CACNA1C: variants seen among roughly 807,000 people sequenced by gnomAD.
CACNA1C encodes the protein voltage-dependent L-type calcium channel subunit alpha-1C.
A neutral mutation model predicts 229.0 loss-of-function variants in CACNA1C; 30 were observed. The observed-to-expected ratio is 0.13, with a 90% CI of 0.10 to 0.18. The LOEUF (loss-of-function observed/expected upper bound fraction) is 0.18. CACNA1C is among the 10% of genes least tolerant of loss of function. The probability of loss-of-function intolerance (pLI) is 1.00; values close to 1 mark genes in which losing one functional copy is unlikely to be tolerated. For missense variants in CACNA1C, 1,658 were observed against 2,845.0 expected (o/e 0.58, Z 9.49); for synonymous variants, 1,114 against 1,132.5 (o/e 0.98, Z 0.33).
rs1172809056 is a variant in CACNA1C, at chr12:2,679,246, G to C, written c.5092-198G>C. ...GGGAGTCCAGAGCCTTGAGACTCCGGGTCCCTCCCTCTCTGGAGCAGCCAG... is the reference window on the plus strand; with the variant it reads ...GGGAGTCCAGAGCCTTGAGACTCCGCGTCCCTCCCTCTCTGGAGCAGCCAG... On this transcript the variant is annotated intron_variant, in intron 41 of 46. Transcript: ENST00000399655. This position sits in a 1 kb window ranked among gnomAD's most constrained non-coding sequence, Gnocchi z 5.5. 6.6e-6 allele frequency among the ~76,000 whole-genome samples: 1 copy of C among 152,170 alleles called. No homozygotes were observed. The highest frequency in any genetic ancestry group is 1.5e-5 in the Non-Finnish European group (1 of 68,030).
intron 1 of CACNA1C, among the ~76,000 whole-genome samples, chr12:2,074,796 C>CAGCT (rs1488232973): frequency 3.9e-5 from 6 of 152,184 alleles, no homozygotes; most frequent in Non-Finnish European, 7.4e-5. Context: ...CTGAAGCTGT[C>CAGCT]AGCTAATGCC....
At chr12:2,049,169 G>A (rs901372182), upstream of CACNA1C, 2 of 152,198 alleles carry the variant, frequency 1.3e-5, no homozygotes, top group Non-Finnish European at 2.9e-5. Context: ...GTTCATCTAT[G>A]CGGTGGTTAA....
intron 1 of CACNA1C, among the ~76,000 whole-genome samples, chr12:2,033,867 C>T (rs2048651457): frequency 6.6e-6 from 1 of 152,230 alleles, no homozygotes; most frequent in Non-Finnish European, 1.5e-5. Flanking sequence ...TTGCCTGGCC[C>T]TGGCCATACT....
chr12:2,284,344 G>A (rs1294616511), intron 3 of CACNA1C, among the ~76,000 whole-genome samples: 1 of 144,204 alleles, frequency 6.9e-6, no homozygotes, highest in East Asian at 2.0e-4. Flanking sequence ...AATTTCTTCT[G>A]AATTCGAAGC....
At chr12:2,304,606 T>C (rs2094860841) in intron 3 of CACNA1C, among the ~76,000 whole-genome samples, 1 of 151,776 alleles carries the variant, frequency 6.6e-6, no homozygotes, top group Non-Finnish European at 1.5e-5. Context: ...AGGCAGCCCC[T>C]GCCTCCTCCT....
At chr12:2,269,469 C>A (rs1426764507) in intron 3 of CACNA1C, among the ~76,000 whole-genome samples, 1 of 152,138 alleles carries the variant, frequency 6.6e-6, no homozygotes, top group Non-Finnish European at 1.5e-5. Flanking sequence ...ATACACAGCC[C>A]TCTAGATAAC....
intron 3 of CACNA1C, among the ~76,000 whole-genome samples, chr12:2,164,397 C>T (rs1470557619): frequency 6.6e-6 from 1 of 152,214 alleles, no homozygotes; most frequent in Admixed American, 6.5e-5. Context: ...AATCCCTTTG[C>T]CTCTCTGGGT....
chr12:2,228,706 C>T (rs1423295028), intron 3 of CACNA1C, among the ~76,000 whole-genome samples: 1 of 152,196 alleles, frequency 6.6e-6, no homozygotes, highest in African/African-American at 2.4e-5. Flanking sequence ...ATCTCTGGCA[C>T]TGTGCCAGCA....
rs1470300445 is a variant in CACNA1C at position 1,971,860 on chromosome 12, C to G, written c.139+659C>G. On this transcript the variant is annotated intron_variant, in intron 1 of 46. Transcript: ENST00000682462. This position sits in a 1 kb window ranked among gnomAD's most constrained non-coding sequence, Gnocchi z 4.2. ...TTTATAATTTGTTTTATATTTTTAC[C>G]CAAATACCATACAACTCCAAATCAT... 6.6e-6 allele frequency among the ~76,000 whole-genome samples: 1 copy of G among 151,750 alleles called. No homozygotes were observed. Among genetic ancestry groups the G allele is most frequent in the Non-Finnish European group, 1.5e-5 (1 of 67,956 alleles).
At chr12:2,426,905 C>T (rs751373708) in intron 3 of CACNA1C, among the ~76,000 whole-genome samples, 1 of 152,180 alleles carries the variant, frequency 6.6e-6, no homozygotes, top group Non-Finnish European at 1.5e-5. Context: ...CAAGGCTTCA[C>T]GTGGCCTACG....
chr12:2,113,702 A>G (rs1446240267), intron 1 of CACNA1C, among the ~76,000 whole-genome samples: 3 of 152,174 alleles, frequency 2.0e-5, no homozygotes, highest in African/African-American at 4.8e-5. Context: ...CACCTGGCCA[A>G]TTGACTAGCG....
At chr12:1,974,931 GT>G (rs2033837914) in intron 1 of CACNA1C, among the ~76,000 whole-genome samples, 1 of 152,090 alleles carries the variant, frequency 6.6e-6, no homozygotes, top group South Asian at 2.1e-4. Context: ...TCAAAAATTT[GT>G]TCCAATGAAG....
chr12:2,296,709 TC>T (rs1157023183), intron 3 of CACNA1C, among the ~76,000 whole-genome samples: 1 of 152,190 alleles, frequency 6.6e-6, no homozygotes, highest in Non-Finnish European at 1.5e-5. Flanking sequence ...AGCCAGGGGT[TC>T]TAAGGGAACC....
intron 3 of CACNA1C, among the ~76,000 whole-genome samples, chr12:2,212,422 T>G (rs1203017846): frequency 6.6e-6 from 1 of 152,212 alleles, no homozygotes; most frequent in Non-Finnish European, 1.5e-5. Context: ...GGTTCTGTGT[T>G]TGAGGAAATC....
At chr12:2,176,914 A>G (rs996555383) in intron 3 of CACNA1C, among the ~76,000 whole-genome samples, 5 of 152,206 alleles carry the variant, frequency 3.3e-5, no homozygotes, top group Non-Finnish European at 7.3e-5. Flanking sequence ...AGCAAGGCAC[A>G]TTCAGGGGGA....
In CACNA1C at chr12:2,612,004, C is replaced by G. The variant is rs1334134055; in HGVS notation, c.3819C>G (p.Phe1273Leu). 13 of 1,596,292 alleles carry G rather than the reference C, an allele frequency of 8.1e-6. No homozygotes were observed. The East Asian group carries it at 2.9e-4, about 36-fold the overall frequency. Reference sequence around the variant, plus strand: ...AGATGATCCTGAAGCTCATTGCCTTCAAACCCAAGGTAGGCCTCTGAGAAA... The same window carrying G: ...AGATGATCCTGAAGCTCATTGCCTTGAAACCCAAGGTAGGCCTCTGAGAAA... ...TVEMILKLIA[F>L]KPKHYFCDAW... The change falls in exon 29 of 47, where the codon TTC becomes TTG. Residue 1273 changes from phenylalanine (F) to leucine (L), a missense_variant. Coordinates refer to ENST00000399655, the MANE Select transcript of CACNA1C (RefSeq NM_000719.7).
chr12:2,340,919 T>G (rs1374291320), intron 3 of CACNA1C, among the ~76,000 whole-genome samples: 1 of 151,160 alleles, frequency 6.6e-6, no homozygotes, highest in African/African-American at 2.5e-5. Flanking sequence ...ATTGTGCCAC[T>G]GCACCCCAGC....
chr12:2,565,940 C>T (rs573396852), intron 11 of CACNA1C, among the ~76,000 whole-genome samples: 1 of 152,266 alleles, frequency 6.6e-6, no homozygotes, highest in South Asian at 2.1e-4. Context: ...GAGTTTTCTC[C>T]TCCACAAAAA....
In CACNA1C at chr12:2,596,754, A is replaced by G. The variant is rs189521635; in HGVS notation, c.2794-476A>G. Among the ~76,000 whole-genome samples, 5 of 152,296 alleles carry G rather than the reference A, an allele frequency of 3.3e-5. No homozygotes were observed. In the East Asian group the frequency reaches 9.7e-4, roughly 29 times the overall value. On this transcript the variant is annotated intron_variant, in intron 20 of 46. Coordinates refer to ENST00000399655, the MANE Select transcript of CACNA1C (RefSeq NM_000719.7). The stretch of plus-strand genomic sequence containing the variant: ...ATGCACCTCCCTTGCCCCAGAGGAC[A>G]TAACCCAGGAATAGATGTCCACCAT...
Sources: allele counts gnomAD v4.1 joint callset (sites outside exome capture counted in the v4.1 genomes callset), GRCh38; gene constraint gnomAD v4.1.1; non-coding constraint Gnocchi (gnomAD v3.1); transcripts MANE v1.5; gene names NCBI Gene and HGNC (gene_info 2026-07-23, HGNC 2026-07-21).